Variants in ST8SIA1 observed in about 807,000 individuals in gnomAD.
ST8SIA1 encodes the protein ST8 alpha-N-acetyl-neuraminide alpha-2,8-sialyltransferase 1, also known as alpha-N-acetylneuraminide alpha-2,8-sialyltransferase.
A neutral mutation model predicts 35.9 loss-of-function variants in ST8SIA1; 16 were observed. The observed-to-expected ratio is 0.45, with a 90% CI of 0.30 to 0.68. The LOEUF is 0.68. Ranked by LOEUF, ST8SIA1 falls within the 30% of genes least tolerant of loss-of-function variation. The pLI, the probability that ST8SIA1 is intolerant of heterozygous loss-of-function variation, is 0.09. For synonymous variants in ST8SIA1, 170 were observed against 169.6 expected (o/e 1.00, Z -0.02); for missense variants, 383 against 453.6 (o/e 0.84, Z 1.41).
chr12:22,203,191 AAG>A (rs1865069394), intron 4 of ST8SIA1, among the ~76,000 whole-genome samples: 2 of 152,078 alleles, frequency 1.3e-5, no homozygotes, highest in South Asian at 2.1e-4. Flanking sequence ...AGTTAAAAAA[AAG>A]AGAGAGAGAG....
intron 2 of ST8SIA1, among the ~76,000 whole-genome samples, chr12:22,277,828 T>A (rs754890088): frequency 9.9e-5 from 15 of 152,134 alleles, no homozygotes; most frequent in Non-Finnish European, 1.9e-4. Context: ...GACCCTGGTG[T>A]CCAGCTCAAG....
intron 4 of ST8SIA1, among the ~76,000 whole-genome samples, chr12:22,238,446 A>G (rs1412893381): frequency 6.6e-6 from 1 of 152,182 alleles, no homozygotes; most frequent in African/African-American, 2.4e-5. Context: ...CTGAGACTAC[A>G]CAGGAAGGGA....
At chr12:22,331,673 A>G (rs2135850014) in intron 1 of ST8SIA1, among the ~76,000 whole-genome samples, 1 of 152,360 alleles carries the variant, frequency 6.6e-6, no homozygotes, top group South Asian at 2.1e-4. Context: ...ATGTTAAAGA[A>G]CATTAAATGT....
chr12:22,286,012 T>G (rs995048817), intron 2 of ST8SIA1, among the ~76,000 whole-genome samples: 4 of 151,974 alleles, frequency 2.6e-5, no homozygotes, highest in Non-Finnish European at 5.9e-5. Context: ...ACGACTTAGG[T>G]AATCATCCAA....
At chr12:22,316,916 GA>G (rs142418174) in intron 1 of ST8SIA1, among the ~76,000 whole-genome samples, 113 of 149,858 alleles carry the variant, frequency 7.5e-4, no homozygotes, top group Middle Eastern at 3.4e-3. Context: ...TCAGTATCGG[GA>G]AAAAAAAACA....
At chr12:22,290,475 G>T (rs1866161121) in intron 1 of ST8SIA1, among the ~76,000 whole-genome samples, 1 of 152,080 alleles carries the variant, frequency 6.6e-6, no homozygotes, top group Non-Finnish European at 1.5e-5. Context: ...TAGGTTCTTG[G>T]GATATAAAAT....
chr12:22,249,900 A>G (rs924566870), intron 3 of ST8SIA1, among the ~76,000 whole-genome samples: 16 of 152,226 alleles, frequency 1.1e-4, no homozygotes, highest in African/African-American at 3.6e-4. Flanking sequence ...AATCAAAATT[A>G]TAAGAGTGCA....
intron 1 of ST8SIA1, among the ~76,000 whole-genome samples, chr12:22,291,592 G>T (rs1483630256): frequency 6.6e-6 from 1 of 152,164 alleles, no homozygotes; most frequent in Non-Finnish European, 1.5e-5. Flanking sequence ...TATCTAATCA[G>T]GGTATCAATG....
At chr12:22,220,957 T>C (rs927421823) in intron 4 of ST8SIA1, among the ~76,000 whole-genome samples, 1 of 152,234 alleles carries the variant, frequency 6.6e-6, no homozygotes, top group Admixed American at 6.5e-5. Flanking sequence ...GCTCCATCAG[T>C]ACTTTTAGTG....
At chr12:22,266,664 G>A (rs1865852027) in intron 2 of ST8SIA1, among the ~76,000 whole-genome samples, 1 of 151,900 alleles carries the variant, frequency 6.6e-6, no homozygotes, top group African/African-American at 2.4e-5. Context: ...TAGCATCATG[G>A]CATGGACGTG....
intron 4 of ST8SIA1, among the ~76,000 whole-genome samples, chr12:22,244,940 A>T (rs776852245): frequency 4.6e-5 from 7 of 151,990 alleles, no homozygotes; most frequent in Non-Finnish European, 1.0e-4. Context: ...TGTCATATAT[A>T]CTGGTTTATA....
intron 1 of ST8SIA1, among the ~76,000 whole-genome samples, chr12:22,292,210 T>C (rs964956721): frequency 7.6e-4 from 116 of 152,290 alleles, no homozygotes; most frequent in African/African-American, 2.7e-3. Flanking sequence ...AAAAGTTCCA[T>C]GAGGAATAAA....
At chr12:22,202,767 G>T (rs1865063377) in intron 4 of ST8SIA1, among the ~76,000 whole-genome samples, 2 of 152,244 alleles carry the variant, frequency 1.3e-5, no homozygotes, top group Non-Finnish European at 2.9e-5. Context: ...TGCCTGGAAA[G>T]AGGGAGTGTG....
intron 4 of ST8SIA1, among the ~76,000 whole-genome samples, chr12:22,204,986 C>T (rs554624626): frequency 5.9e-5 from 9 of 152,286 alleles, no homozygotes; most frequent in Admixed American, 5.9e-4. Flanking sequence ...ACCCTATGCT[C>T]CAGCCATCCC....
chr12:22,252,261 C>T (rs866804741), intron 3 of ST8SIA1, among the ~76,000 whole-genome samples: 15 of 152,178 alleles, frequency 9.9e-5, no homozygotes, highest in Non-Finnish European at 5.9e-5. Context: ...TGTTCTCTCT[C>T]ACTGTATCTG....
rs547461234 is a variant in ST8SIA1, at chr12:22,280,119, A to C, written c.381+7030T>G. ...AATGATACCTCTCTATAAGTTAATC[A>C]AATATGTCTATGCATTTAAGCGACT... On this transcript the variant is annotated intron_variant, in intron 2 of 4. Transcript: ENST00000396037. 2.2e-4 allele frequency among the ~76,000 whole-genome samples: 34 copies of C among 152,370 alleles called. No individual in the cohort carries two copies. In the South Asian group the frequency reaches 5.8e-3, roughly 26 times the overall value.
intron 2 of ST8SIA1, among the ~76,000 whole-genome samples, chr12:22,269,509 A>T (rs1865886821): frequency 6.6e-6 from 1 of 152,196 alleles, no homozygotes; most frequent in African/African-American, 2.4e-5. Flanking sequence ...TATTATGGAT[A>T]CCTTCCCTTC....
chr12:22,303,733 A>G (rs1045226675), intron 1 of ST8SIA1, among the ~76,000 whole-genome samples: 1 of 150,754 alleles, frequency 6.6e-6, no homozygotes, highest in Non-Finnish European at 1.5e-5. Flanking sequence ...TCTTTTTCCC[A>G]TTGGGTTTGA....
chr12:22,229,615 C>CAAAAAAAAAAAAAAAAAAAAAGAAAAA (rs1865394383), intron 4 of ST8SIA1, among the ~76,000 whole-genome samples: 2 of 93,748 alleles, frequency 2.1e-5, no homozygotes. Flanking sequence ...GACCGGGTTT[C>CAAAAAAAAAAAAAAAAAAAAAGAAAAA]AAAAAAAAAA....
Sources: allele counts gnomAD v4.1 joint callset (sites outside exome capture counted in the v4.1 genomes callset), GRCh38; gene constraint gnomAD v4.1.1; transcripts MANE v1.5; gene names NCBI Gene and HGNC (gene_info 2026-07-23, HGNC 2026-07-21).